Variants in MFSD6 observed in about 807,000 individuals in gnomAD.
The protein encoded by MFSD6 is major facilitator superfamily domain-containing protein 6.
In MFSD6, 26 loss-of-function variants were observed where a neutral mutation model predicts 56.3. That is an observed-to-expected ratio of 0.46 (90% CI 0.34 to 0.64). MFSD6 has a LOEUF of 0.64. Among genes scored for constraint, MFSD6 ranks in the 30% least tolerant of loss-of-function variants. The pLI, the probability that MFSD6 is intolerant of heterozygous loss-of-function variation, is 0.01. For missense variants in MFSD6, 750 were observed against 986.2 expected (o/e 0.76, Z 3.21); for synonymous variants, 331 against 366.9 (o/e 0.90, Z 1.12).
chr2:190,435,193 T>A (rs1197037628), intron 2 of MFSD6: 2 of 152,240 alleles, frequency 1.3e-5, no homozygotes, highest in Non-Finnish European at 2.9e-5. Context: ...ATCCTGGCAC[T>A]GCCTCTTATT....
chr2:190,408,900 C>T (rs2124971814), intron 1 of MFSD6, among the ~76,000 whole-genome samples: 1 of 152,232 alleles, frequency 6.6e-6, no homozygotes, highest in Middle Eastern at 3.4e-3. Flanking sequence ...GGAGGGTGAG[C>T]GCCGATGCCC....
Position 190,488,821 on chromosome 2 carries a change from A to G in MFSD6, c.1792+3A>G. On this transcript the variant is annotated splice_donor_region_variant and intron_variant, in intron 5 of 7. Coordinates refer to ENST00000392328, the MANE Select transcript of MFSD6 (RefSeq NM_017694.4). This position sits in a 1 kb window ranked among gnomAD's most constrained non-coding sequence, Gnocchi z 6.4. ...AGGCGTGTTAGTCAATTATTTTGGT[A>G]AGAATGGCTTTCTCCTTTTTTTTCT... 3 of 1,554,786 alleles carry G rather than the reference A, an allele frequency of 1.9e-6. No homozygotes were observed. The highest frequency in any genetic ancestry group is 2.6e-6 in the Non-Finnish European group (3 of 1,155,646).
At chr2:190,435,267 G>A (rs1305346307) in intron 2 of MFSD6, 1 of 152,166 alleles carries the variant, frequency 6.6e-6, no homozygotes, top group African/African-American at 2.4e-5. Context: ...GGGCTATTGT[G>A]ATGAATATGA....
chr2:190,432,477 C>G (rs1408393467), intron 2 of MFSD6, among the ~76,000 whole-genome samples: 1 of 152,126 alleles, frequency 6.6e-6, no homozygotes, highest in East Asian at 1.9e-4. Context: ...AATGCAGTGG[C>G]GTGATCTCGG....
At position 190,450,915 on chromosome 2, in the gene MFSD6, C is replaced by T. The variant is rs554637459; in HGVS notation, c.1532+13354C>T. ...TACTATACCTTTGGACCATCTCCTG[C>T]GCATTGTGGTTGCTGAGTACAGTGA... On this transcript the variant is annotated intron_variant, in intron 3 of 7. Coordinates refer to ENST00000392328, the MANE Select transcript of MFSD6 (RefSeq NM_017694.4). Among the ~76,000 whole-genome samples, 9 of 152,294 alleles carry T rather than the reference C, an allele frequency of 5.9e-5. No individual in the cohort carries two copies. In the East Asian group the frequency reaches 1.5e-3, roughly 26 times the overall value.
intron 2 of MFSD6, among the ~76,000 whole-genome samples, chr2:190,420,390 T>G (rs114270140): frequency 0.038 from 5,770 of 151,966 alleles, 188 homozygotes; most frequent in Non-Finnish European, 0.052. Flanking sequence ...AGGGCATTAA[T>G]CCCATCAAAA....
Position 190,436,570 on chromosome 2 carries a change from A to G in MFSD6, c.541A>G (p.Thr181Ala), listed in dbSNP as rs1686182401. The part of the protein sequence containing the change: ...NASHQLTILP[T>A]NSSFTSFLTI... Reference sequence around the variant, plus strand: ...AAGTCACCAGTTAACTATCCTGCCAACAAATTCTTCCTTTACCTCTTTCCT... The same window carrying G: ...AAGTCACCAGTTAACTATCCTGCCAGCAAATTCTTCCTTTACCTCTTTCCT... Residue 181 changes from threonine to alanine, a missense_variant, in exon 3 of 8, where the codon ACA becomes GCA. Thr to Ala is a moderately conservative substitution (Grantham distance 58). Coordinates refer to ENST00000392328, the MANE Select transcript of MFSD6 (RefSeq NM_017694.4). The surrounding 1 kb of genome is among the most constrained non-coding windows in gnomAD (Gnocchi z 5.3). 6.2e-7 allele frequency: 1 copy of G among 1,614,216 alleles called. No homozygotes were observed. Among genetic ancestry groups the G allele is most frequent in the Non-Finnish European group, 8.5e-7 (1 of 1,180,034 alleles).
In MFSD6 at chr2:190,416,891, A is replaced by G. The variant is rs1210643313; in HGVS notation, c.-54+1478A>G. Among the ~76,000 whole-genome samples, 1 of 152,194 alleles carries G rather than the reference A, an allele frequency of 6.6e-6. No individual in the cohort carries two copies. The highest frequency in any genetic ancestry group is 1.5e-5 in the Non-Finnish European group (1 of 68,030). On this transcript the variant is annotated intron_variant, in intron 2 of 7. Coordinates refer to ENST00000392328, the MANE Select transcript of MFSD6 (RefSeq NM_017694.4). This position sits in a 1 kb window ranked among gnomAD's most constrained non-coding sequence, Gnocchi z 4.1. ...GGGACTTCTTTTGACTCTACTTCCT[A>G]AAATGAATTTTTGATCACATTAAAC...
chr2:190,422,422 T>G (rs902573517), intron 2 of MFSD6, among the ~76,000 whole-genome samples: 1 of 152,206 alleles, frequency 6.6e-6, no homozygotes, highest in African/African-American at 2.4e-5. Context: ...TGATTTATCC[T>G]TTTGTTCTGG....
Position 190,455,934 on chromosome 2 carries a change from C to CTTTTTTTTTTTTTTTT in MFSD6, c.1533-13815_1533-13800dup, listed in dbSNP as rs34054506. Among the ~76,000 whole-genome samples, 2 of 65,388 alleles carry CTTTTTTTTTTTTTTTT rather than the reference C, an allele frequency of 3.1e-5. 1 individual carries two copies. Among genetic ancestry groups the CTTTTTTTTTTTTTTTT allele is most frequent in the African/African-American group, 1.3e-4 (2 of 15,168 alleles). 42.9% of individuals were successfully genotyped at this position (65,388 alleles called of 152,430 possible). ...GTCTACTGTAATTGTATTTACTCTG[C>CTTTTTTTTTTTTTTTT]TTTTTTTTTTTTTTTTTTTTTTTTG... is the stretch of plus-strand genomic sequence containing the variant. On this transcript the variant is annotated intron_variant, in intron 3 of 7. Coordinates refer to ENST00000392328, the MANE Select transcript of MFSD6 (RefSeq NM_017694.4).
In MFSD6 at chr2:190,459,724, T is replaced by C. The variant is rs2125112439; in HGVS notation, c.1533-10034T>C. Among the ~76,000 whole-genome samples, 1 of 152,290 alleles carries C rather than the reference T, an allele frequency of 6.6e-6. No individual in the cohort carries two copies. Among genetic ancestry groups the C allele is most frequent in the Non-Finnish European group, 1.5e-5 (1 of 68,038 alleles). On this transcript the variant is annotated intron_variant, in intron 3 of 7. Transcript: ENST00000392328. The surrounding 1 kb of genome is among the most constrained non-coding windows in gnomAD (Gnocchi z 5.3). Reference sequence around the variant, plus strand: ...ACAGTGATCCTGCTGATGGTGACCATAGTTACACTCTTAGCTTATCAGTCA... The same window carrying C: ...ACAGTGATCCTGCTGATGGTGACCACAGTTACACTCTTAGCTTATCAGTCA...
chr2:190,408,189 G>A (rs1337252091), upstream of MFSD6, among the ~76,000 whole-genome samples: 1 of 151,918 alleles, frequency 6.6e-6, no homozygotes, highest in Non-Finnish European at 1.5e-5. Flanking sequence ...GGGTCCAGCC[G>A]GTAGTGACCG....
In MFSD6 at chr2:190,438,361, C is replaced by G. The variant is rs905219634; in HGVS notation, c.1532+800C>G. Among the ~76,000 whole-genome samples the G allele has an allele frequency of 3.9e-5, 6 of 152,082 alleles. No homozygotes were observed. Among genetic ancestry groups the G allele is most frequent in the Non-Finnish European group, 5.9e-5 (4 of 68,008 alleles). Reference sequence around the variant, plus strand: ...TGAAACCCCATCTCTACTAAAAATACAAAAGTTAGCCGGGCATGGTGGCAC... The same window carrying G: ...TGAAACCCCATCTCTACTAAAAATAGAAAAGTTAGCCGGGCATGGTGGCAC... On this transcript the variant is annotated intron_variant, in intron 3 of 7. Transcript: ENST00000392328. The surrounding 1 kb of genome is among the most constrained non-coding windows in gnomAD (Gnocchi z 5.2).
chr2:190,489,967 G>A lies in MFSD6; in HGVS notation c.1891+101G>A, dbSNP rs1689239402. ...AGAAGTGGTACAGAGTATACAACAG[G>A]TCTGTTTGGCTCAATTTTCTGAGTG... On this transcript the variant is annotated intron_variant, in intron 6 of 7. Coordinates refer to ENST00000392328, the MANE Select transcript of MFSD6 (RefSeq NM_017694.4). The surrounding 1 kb of genome is among the most constrained non-coding windows in gnomAD (Gnocchi z 6.6). 1 of 970,620 alleles carries A rather than the reference G, an allele frequency of 1.0e-6. No homozygotes were observed. The highest frequency in any genetic ancestry group is 1.5e-6 in the Non-Finnish European group (1 of 671,718). 60.1% of individuals were successfully genotyped at this position (970,620 alleles called of 1,614,324 possible). A position where few individuals can be genotyped will look rare whatever the true frequency, so the allele number is the denominator to read the frequency against.
In MFSD6 at chr2:190,491,348, C is replaced by T. The variant is rs1221950269; in HGVS notation, c.1891+1482C>T. Reference sequence around the variant, plus strand: ...TCATGCTTTTGCTCCAGAACTACTGCAGGAATATACCAGGAAAGCTGAGAG... The same window carrying T: ...TCATGCTTTTGCTCCAGAACTACTGTAGGAATATACCAGGAAAGCTGAGAG... On this transcript the variant is annotated intron_variant, in intron 6 of 7. Coordinates refer to ENST00000392328, the MANE Select transcript of MFSD6 (RefSeq NM_017694.4). The surrounding 1 kb of genome is among the most constrained non-coding windows in gnomAD (Gnocchi z 4.2). Among the ~76,000 whole-genome samples the T allele has an allele frequency of 2.0e-5, 3 of 152,282 alleles. No individual in the cohort carries two copies. The highest frequency in any genetic ancestry group is 1.9e-4 in the East Asian group (1 of 5,182).
At chr2:190,414,396 TTAAC>T (rs2124983564) in intron 1 of MFSD6, among the ~76,000 whole-genome samples, 2 of 152,356 alleles carry the variant, frequency 1.3e-5, no homozygotes, top group East Asian at 3.9e-4. Flanking sequence ...GCAATTGTGT[TTAAC>T]TAATGAACAA....
intron 3 of MFSD6, among the ~76,000 whole-genome samples, chr2:190,448,573 A>C (rs749062924): frequency 8.5e-5 from 13 of 152,232 alleles, no homozygotes; most frequent in Admixed American, 2.6e-4. Context: ...AAAATAATAC[A>C]CAATTCAGTA....
At chr2:190,430,108 G>A (rs1685917746) in intron 2 of MFSD6, among the ~76,000 whole-genome samples, 1 of 148,914 alleles carries the variant, frequency 6.7e-6, no homozygotes, top group Non-Finnish European at 1.5e-5. Flanking sequence ...TTGGTTTTCT[G>A]TCCTTGTGTC....
rs1690029625 is a variant in MFSD6, at chr2:190,501,632, G to A, written c.*1414G>A. The A allele has an allele frequency of 6.6e-6, 1 of 152,514 alleles. No homozygotes were observed. Among genetic ancestry groups the A allele is most frequent in the Admixed American group, 6.5e-5 (1 of 15,278 alleles). The allele number at this position is 152,514 out of a possible 1,614,324, so 9.4% of individuals were successfully genotyped here. A position where few individuals can be genotyped will look rare whatever the true frequency, so the allele number is the denominator to read the frequency against. On this transcript the variant is annotated 3_prime_UTR_variant, in exon 8 of 8. Transcript: ENST00000392328. ...CTTACCCTCTGACCCTGATTAGACAGGATCAATTGTAAAGTGAGGGCTTCT... is the reference window on the plus strand; with the variant it reads ...CTTACCCTCTGACCCTGATTAGACAAGATCAATTGTAAAGTGAGGGCTTCT...
Sources: gnomAD v4.1 joint callset for allele counts (sites outside exome capture counted in the v4.1 genomes callset) on GRCh38, gnomAD v4.1.1 for gene constraint, Gnocchi (gnomAD v3.1) non-coding constraint, MANE v1.5 for transcripts, NCBI Gene and HGNC (gene_info 2026-07-23, HGNC 2026-07-21) for gene names.